Variants in STAT6 observed in about 807,000 individuals in gnomAD.
The protein encoded by STAT6 is STAT, interleukin4-induced.
A neutral mutation model predicts 106.3 loss-of-function variants in STAT6; 45 were observed. The ratio of observed to expected loss-of-function variants is 0.42; its 90% CI spans 0.33 to 0.54. The LOEUF (loss-of-function observed/expected upper bound fraction) is 0.54, where lower values mean the gene tolerates loss of function less well. Ranked by LOEUF, STAT6 falls within the 20% of genes least tolerant of loss-of-function variation. The pLI is 0.06. For missense variants in STAT6, 797 were observed against 1,062.2 expected, an observed-to-expected ratio of 0.75 and a Z score of 3.47; for synonymous variants, 413 against 413.6, an observed-to-expected ratio of 1.00 and a Z score of 0.02.
chr12:57,104,197 T>A (rs939973758), intron 11 of STAT6: 17 of 465,830 alleles, frequency 3.6e-5, no homozygotes, highest in Non-Finnish European at 5.9e-5. Context: ...GTGTGTGTGC[T>A]GGCACGCATG....
intron 6 of STAT6, 24 bp from the exon 7 acceptor site, chr12:57,106,363 C>G (rs762603174): frequency 6.2e-7 from 1 of 1,613,812 alleles, no homozygotes; most frequent in Admixed American, 1.7e-5. Flanking sequence ...GGGGCCTGAG[C>G]CAGGGCCTCA....
At chr12:57,100,648 GAA>G (rs763800330) in intron 13 of STAT6, among the ~76,000 whole-genome samples, 1 of 66,434 alleles carries the variant, frequency 1.5e-5, no homozygotes, top group Non-Finnish European at 2.9e-5. Flanking sequence ...GAGAAAGAAA[GAA>G]AGAAAGAAAG....
chr12:57,109,800 G>T (rs1361621070), intron 1 of STAT6: 1 of 152,110 alleles, frequency 6.6e-6, no homozygotes, highest in East Asian at 1.9e-4. Context: ...TGGGTAACCA[G>T]TGGTTTCCCA....
chr12:57,100,700 GAGAAAGAA>G (rs56962899), intron 13 of STAT6: 873 of 64,594 alleles, frequency 0.014, 15 homozygotes, highest in Middle Eastern at 0.021. Context: ...AAGAAAGAAA[GAGAAAGAA>G]AGAAAGAAAG....
Position 57,099,239 on chromosome 12 carries a change from G to C in STAT6, c.1891+55C>G. 6.2e-7 allele frequency: 1 copy of C among 1,611,166 alleles called. No individual in the cohort carries two copies. The highest frequency in any genetic ancestry group is 1.1e-5 in the South Asian group (1 of 90,938). ...CGGGCAGGGAGAGGAGGGCAGCGGG[G>C]AGCAGGGAGGAAGTGGGTGACAGGA... On this transcript the variant is annotated intron_variant, in intron 16 of 21. Coordinates refer to ENST00000300134, the MANE Select transcript of STAT6 (RefSeq NM_003153.5). The surrounding 1 kb of genome is among the most constrained non-coding windows in gnomAD (Gnocchi z 4.7).
At chr12:57,110,332 A>C (rs978093949) in intron 1 of STAT6, 3 of 152,248 alleles carry the variant, frequency 2.0e-5, no homozygotes, top group African/African-American at 7.2e-5. Flanking sequence ...CAGCCCCTTG[A>C]AGGGGAAGGG....
At chr12:57,104,141 G>A (rs1487976628) in intron 11 of STAT6, 2 of 313,500 alleles carry the variant, frequency 6.4e-6, no homozygotes, top group South Asian at 3.8e-5. Context: ...TATAAAATGA[G>A]GCTGATAATA....
chr12:57,097,221 G>T, intron 19 of STAT6, 88 bp from the exon 20 acceptor site: 7 of 1,096,044 alleles, frequency 6.4e-6, no homozygotes, highest in Non-Finnish European at 8.9e-6. Flanking sequence ...GAGGAAACAA[G>T]CTCCAGCTCC....
In STAT6 at chr12:57,095,663, G is replaced by A. The variant is rs1266470403; in HGVS notation, c.*909C>T. 2 of 152,228 alleles carry A rather than the reference G, an allele frequency of 1.3e-5. No homozygotes were observed. Among genetic ancestry groups the A allele is most frequent in the Non-Finnish European group, 2.9e-5 (2 of 68,048 alleles). The allele number at this position is 152,228 out of a possible 1,614,324, so 9.4% of individuals were successfully genotyped here. ...CATTGGAGGTGTGGAGCCATACGTA[G>A]ATGTCACAGCCACTTGGACCCACTT... On this transcript the variant is annotated 3_prime_UTR_variant, in exon 22 of 22. Transcript: ENST00000300134.
At chr12:57,097,199 G>C in intron 19 of STAT6, 66 bp from the exon 20 acceptor site, 1 of 1,338,904 alleles carries the variant, frequency 7.5e-7, no homozygotes, top group Non-Finnish European at 1.0e-6. Flanking sequence ...TGCAAAGTCA[G>C]GACCACTGAG....
rs199728302 is a variant in STAT6, at chr12:57,108,219, G to A, written c.60C>T (p.Val20=). Residue 20 remains valine (V), a synonymous_variant, in exon 2 of 22, where the codon GTC becomes GTT. Coordinates refer to ENST00000300134, the MANE Select transcript of STAT6 (RefSeq NM_003153.5). ...GATGCCGCAGGTGTTGGGGAAAGTC[G>A]ACATAGAGCCGCTGCACTTTTTCTG... is the stretch of plus-strand genomic sequence containing the variant. The part of the protein sequence containing the change: ...MPPEKVQRLY[V]DFPQHLRHLL... The A allele has an allele frequency of 9.3e-6, 15 of 1,613,074 alleles. No individual in the cohort carries two copies. The highest frequency in any genetic ancestry group is 2.2e-5 in the East Asian group (1 of 44,866).
At position 57,105,311 on chromosome 12, in the gene STAT6, G is replaced by C; in HGVS notation, c.841C>G (p.Gln281Glu). The change falls in exon 9 of 22, where the codon CAG (glutamine) becomes GAG (glutamate). Residue 281 changes from glutamine (Q) to glutamate (E), a missense_variant. Around this residue, in one of 4 missense-constraint regions of STAT6, gnomAD observed 336 missense variants for 429.8 expected, o/e 0.78. Transcript: ENST00000300134. ...SCFLVEKQPP[Q>E]VLKTQTKFQA... ...AACTTGGTCTGAGTCTTCAGTACCT[G>C]GGGGGGCTGCTTCTCCACCAGGAAG... The C allele has an allele frequency of 6.2e-7, 1 of 1,613,964 alleles. No individual in the cohort carries two copies. Among genetic ancestry groups the C allele is most frequent in the Non-Finnish European group, 8.5e-7 (1 of 1,179,946 alleles).
rs1592573685 is a variant in STAT6 at position 57,107,546 on chromosome 12, T to G, written c.255+59A>C. The stretch of plus-strand genomic sequence containing the variant: ...CAACCAATTTTCTTCCAGGGCCCAA[T>G]GCTCAACCCAGTTCAACCTCAGCCC... On this transcript the variant is annotated intron_variant, in intron 3 of 21. Transcript: ENST00000300134. The G allele has an allele frequency of 6.3e-6, 10 of 1,578,064 alleles. No homozygotes were observed. The East Asian group carries it at 2.2e-4, about 35-fold the overall frequency.
intron 19 of STAT6, among the ~76,000 whole-genome samples, chr12:57,097,809 A>G (rs2033545921): frequency 6.6e-6 from 1 of 152,108 alleles, no homozygotes; most frequent in Non-Finnish European, 1.5e-5. Context: ...CTACAGCAGG[A>G]GGATTGCTCG....
chr12:57,103,266 G>A (rs748400108), intron 11 of STAT6: 41 of 173,734 alleles, frequency 2.4e-4, no homozygotes, highest in Non-Finnish European at 4.6e-4. Flanking sequence ...CCAGGTTCAC[G>A]CCATTCTCCT....
At chr12:57,102,263 G>C (rs765697433) in intron 13 of STAT6, 27 bp downstream of exon 13, 1 of 1,612,124 alleles carries the variant, frequency 6.2e-7, no homozygotes, top group Non-Finnish European at 8.5e-7. Flanking sequence ...GCTTGGGGGT[G>C]GGAGGTCCAA....
At chr12:57,100,306 G>GC (rs1179325763) in intron 13 of STAT6, among the ~76,000 whole-genome samples, 2 of 152,176 alleles carry the variant, frequency 1.3e-5, no homozygotes, top group Non-Finnish European at 2.9e-5. Flanking sequence ...TCTTTACCAG[G>GC]CTATGGAAGT....
In STAT6 at chr12:57,106,754, G is replaced by T; in HGVS notation, c.417C>A (p.His139Gln). ...KFKTGLRRLQ[H>Q]RVGEIHLLRE... is the part of the protein sequence containing the mutation. ...GGAGAAGGTGGATCTCCCCTACTCG[G>T]TGCTGCAGCCTCCGCAAGCCTGTCT... Residue 139 changes from histidine (H) to glutamine (Q), a missense_variant, in exon 5 of 22, where the codon CAC becomes CAA. By Grantham distance (24) the His-to-Gln change is conservative. Around this residue, in one of 4 missense-constraint regions of STAT6, gnomAD observed 336 missense variants for 429.8 expected, o/e 0.78. Coordinates refer to ENST00000300134, the MANE Select transcript of STAT6 (RefSeq NM_003153.5). 1 of 1,614,116 alleles carries T rather than the reference G, an allele frequency of 6.2e-7. No homozygotes were observed. Among genetic ancestry groups the T allele is most frequent in the Non-Finnish European group, 8.5e-7 (1 of 1,180,030 alleles).
At position 57,106,592 on chromosome 12, in the gene STAT6, G is replaced by C. The variant is rs775233268; in HGVS notation, c.479-12C>G. The C allele has an allele frequency of 1.2e-6, 2 of 1,614,102 alleles. No homozygotes were observed. Among genetic ancestry groups the C allele is most frequent in the South Asian group, 1.1e-5 (1 of 91,070 alleles). The stretch of plus-strand genomic sequence containing the variant: ...GCTGTGCAGAGACACTGAGGGTTGG[G>C]GGCAGAAATCAAGGGTGCAGACAGA... On this transcript the variant is annotated splice_polypyrimidine_tract_variant and intron_variant, in intron 5 of 21. Transcript: ENST00000300134.
Sources: gnomAD v4.1 joint callset for allele counts (sites outside exome capture counted in the v4.1 genomes callset) on GRCh38, gnomAD v4.1.1 for gene constraint, gnomAD v4.1.1 regional missense constraint, Gnocchi (gnomAD v3.1) non-coding constraint, MANE v1.5 for transcripts, NCBI Gene and HGNC (gene_info 2026-07-23, HGNC 2026-07-21) for gene names.